Variants in DCLK1 observed in about 807,000 individuals in gnomAD.
DCLK1 encodes doublecortin like kinase 1.
A neutral mutation model predicts 86.2 loss-of-function variants in DCLK1; 16 were observed. That is an observed-to-expected ratio of 0.19 (90% CI 0.13 to 0.28). The LOEUF (loss-of-function observed/expected upper bound fraction) is 0.28, where lower values mean the gene tolerates loss of function less well. Among genes scored for constraint, DCLK1 ranks in the 10% least tolerant of loss-of-function variants. The pLI is 1.00. For missense variants in DCLK1, 590 were observed against 940.2 expected (o/e 0.63, Z 4.87); for synonymous variants, 369 against 370.5 (o/e 1.00, Z 0.05).
At position 35,824,065 on chromosome 13, in the gene DCLK1, G is replaced by A. The variant is rs185791757; in HGVS notation, c.1408-1190C>T. 5.4e-3 allele frequency among the ~76,000 whole-genome samples: 822 copies of A among 152,286 alleles called. 11 individuals are homozygous for A. Among genetic ancestry groups the A allele is most frequent in the African/African-American group, 0.017 (708 of 41,552 alleles). On this transcript the variant is annotated intron_variant, in intron 10 of 16. Coordinates refer to ENST00000360631, the MANE Select transcript of DCLK1 (RefSeq NM_001330071.2). Reference sequence around the variant, plus strand: ...CACTTGAGGAGGTGGGACAGTCACCGTGGTCTATGTGAACAGCACCCCTGG... The same window carrying A: ...CACTTGAGGAGGTGGGACAGTCACCATGGTCTATGTGAACAGCACCCCTGG...
chr13:36,116,808 A>G (rs145438140), intron 2 of DCLK1, among the ~76,000 whole-genome samples: 264 of 152,372 alleles, frequency 1.7e-3, no homozygotes, highest in African/African-American at 5.8e-3. Flanking sequence ...GGAAAAACTC[A>G]AATATGTATT....
At chr13:36,045,295 G>A (rs1473801985) in intron 3 of DCLK1, among the ~76,000 whole-genome samples, 21 of 102,294 alleles carry the variant, frequency 2.1e-4, no homozygotes, top group South Asian at 3.3e-4. Flanking sequence ...TATAATAATC[G>A]TCTAATATAT....
intron 3 of DCLK1, among the ~76,000 whole-genome samples, chr13:36,033,982 T>C (rs1242329859): frequency 6.6e-6 from 1 of 152,176 alleles, no homozygotes; most frequent in Non-Finnish European, 1.5e-5. Flanking sequence ...TGGAAAATAA[T>C]ATAAGCTTGA....
At chr13:36,024,789 GAGAA>G (rs1363777924) in intron 3 of DCLK1, among the ~76,000 whole-genome samples, 1 of 151,610 alleles carries the variant, frequency 6.6e-6, no homozygotes, top group Admixed American at 6.6e-5. Flanking sequence ...AAACAATCCC[GAGAA>G]AGAAGAATAA....
At chr13:35,870,997 T>C (rs1872235554) in intron 5 of DCLK1, among the ~76,000 whole-genome samples, 1 of 152,220 alleles carries the variant, frequency 6.6e-6, no homozygotes, top group Non-Finnish European at 1.5e-5. Context: ...TGGGCAAATC[T>C]GGGTTTCCTG....
intron 6 of DCLK1, chr13:35,846,550 A>G (rs1870189404): frequency 2.0e-6 from 2 of 985,354 alleles, no homozygotes; most frequent in African/African-American, 3.5e-5. Context: ...AATTATAGTG[A>G]GGGCCTCTGA....
At chr13:35,846,787 T>C (rs1345668097) in intron 6 of DCLK1, 3 of 985,128 alleles carry the variant, frequency 3.0e-6, no homozygotes, top group South Asian at 4.7e-5. Context: ...AATGTATGCA[T>C]ATATAGTAAA....
intron 8 of DCLK1, among the ~76,000 whole-genome samples, chr13:35,832,281 C>T (rs1869021236): frequency 6.6e-6 from 1 of 152,158 alleles, no homozygotes; most frequent in African/African-American, 2.4e-5. Context: ...GCCTGGGTGA[C>T]ACAGCAAGAC....
At chr13:35,815,350 C>A (rs937591111) in intron 11 of DCLK1, among the ~76,000 whole-genome samples, 10 of 152,134 alleles carry the variant, frequency 6.6e-5, no homozygotes, top group African/African-American at 2.4e-4. Flanking sequence ...TGAACCCAGT[C>A]AAAAGGTTTC....
chr13:36,039,212 A>C (rs567644148), intron 3 of DCLK1, among the ~76,000 whole-genome samples: 1 of 152,372 alleles, frequency 6.6e-6, no homozygotes, highest in African/African-American at 2.4e-5. Context: ...ACAACTGATA[A>C]GGCTTTAAAA....
chr13:35,811,014 A>T (rs759511762), intron 11 of DCLK1, 46 bp from the exon 12 acceptor site: 19 of 1,610,790 alleles, frequency 1.2e-5, no homozygotes, highest in Non-Finnish European at 1.6e-5. Context: ...CCAAGAGCTC[A>T]AAAGCCCTTT....
At chr13:35,788,095 A>C (rs1693503270) in intron 16 of DCLK1, 6 of 925,900 alleles carry the variant, frequency 6.5e-6, no homozygotes, top group African/African-American at 3.3e-5. Context: ...CTGATAAAGC[A>C]GCATATGGAC....
At chr13:35,921,673 A>C (rs1875811448) in intron 4 of DCLK1, among the ~76,000 whole-genome samples, 1 of 152,214 alleles carries the variant, frequency 6.6e-6, no homozygotes, top group Non-Finnish European at 1.5e-5. Context: ...TGTGTGGCCA[A>C]AGTGAAACAA....
chr13:35,855,621 G>A (rs2153110928), intron 5 of DCLK1: 1 of 1,527,252 alleles, frequency 6.5e-7, no homozygotes, highest in South Asian at 1.2e-5. Context: ...TCGGTTGGAT[G>A]AGTTTAAGGA....
chr13:35,833,078 T>C (rs1869084723), intron 8 of DCLK1, among the ~76,000 whole-genome samples: 1 of 152,160 alleles, frequency 6.6e-6, no homozygotes, highest in Non-Finnish European at 1.5e-5. Flanking sequence ...CCTGCTTGTG[T>C]TCATTGCTAG....
chr13:36,097,439 T>G (rs1332585228), intron 3 of DCLK1, among the ~76,000 whole-genome samples: 1 of 152,238 alleles, frequency 6.6e-6, no homozygotes, highest in Non-Finnish European at 1.5e-5. Context: ...TTTTGCGATA[T>G]TCACACTCTA....
chr13:35,959,873 G>A (rs1224940192), intron 3 of DCLK1, among the ~76,000 whole-genome samples: 2 of 151,970 alleles, frequency 1.3e-5, no homozygotes, highest in African/African-American at 4.8e-5. Flanking sequence ...GTGTGTGTGT[G>A]TGTGTGTGTG....
At chr13:36,014,699 A>G (rs1366430781) in intron 3 of DCLK1, among the ~76,000 whole-genome samples, 1 of 152,254 alleles carries the variant, frequency 6.6e-6, no homozygotes, top group African/African-American at 2.4e-5. Context: ...CTGTAAAAAA[A>G]TTAGTCTTAC....
chr13:36,007,351 T>C (rs550606865), intron 3 of DCLK1, among the ~76,000 whole-genome samples: 1 of 152,338 alleles, frequency 6.6e-6, no homozygotes, highest in African/African-American at 2.4e-5. Flanking sequence ...TTGAGTGTTC[T>C]AGAATAGTGT....
Sources: gnomAD v4.1 joint callset for allele counts (sites outside exome capture counted in the v4.1 genomes callset) on GRCh38, gnomAD v4.1.1 for gene constraint, MANE v1.5 for transcripts, NCBI Gene and HGNC (gene_info 2026-07-23, HGNC 2026-07-21) for gene names.